The following MAGI2 variants were observed in gnomAD, a reference collection of about 807,000 sequenced individuals.
MAGI2 encodes membrane associated guanylate kinase, WW and PDZ domain containing 2, also known as membrane-associated guanylate kinase, WW and PDZ domain-containing protein 2.
In MAGI2, 35 loss-of-function variants were observed where a neutral mutation model predicts 133.3. The ratio of observed to expected loss-of-function variants is 0.26; its 90% CI spans 0.20 to 0.35. The LOEUF (loss-of-function observed/expected upper bound fraction) is 0.35, where lower values mean the gene tolerates loss of function less well. Among genes scored for constraint, MAGI2 ranks in the 10% least tolerant of loss-of-function variants. The pLI is 1.00. For synonymous variants in MAGI2, 729 were observed against 710.6 expected (o/e 1.03, Z -0.41); for missense variants, 1,636 against 1,863.4 (o/e 0.88, Z 2.25).
At chr7:79,377,541 TAAAACAAA>T (rs1260146895) in intron 1 of MAGI2, among the ~76,000 whole-genome samples, 1 of 151,488 alleles carries the variant, frequency 6.6e-6, no homozygotes, top group Non-Finnish European at 1.5e-5. Flanking sequence ...TTTCAGGGAG[TAAAACAAA>T]TGAAAGATAA....
chr7:78,502,683 G>T (rs190483492), intron 4 of MAGI2, among the ~76,000 whole-genome samples: 1 of 152,118 alleles, frequency 6.6e-6, no homozygotes, highest in Non-Finnish European at 1.5e-5. Context: ...ACCATCTGAG[G>T]TTTCAGGCAT....
At chr7:78,912,810 A>C (rs916928563) in intron 2 of MAGI2, among the ~76,000 whole-genome samples, 1 of 143,366 alleles carries the variant, frequency 7.0e-6, no homozygotes, top group African/African-American at 2.7e-5. Flanking sequence ...ATATATATAT[A>C]TATCATTCAT....
chr7:78,117,948 C>T (rs1168406274), intron 20 of MAGI2, among the ~76,000 whole-genome samples: 1 of 152,106 alleles, frequency 6.6e-6, no homozygotes, highest in Non-Finnish European at 1.5e-5. Flanking sequence ...TACTTACCTT[C>T]AAGACTTACT....
chr7:78,305,731 C>T (rs538448830), intron 9 of MAGI2, among the ~76,000 whole-genome samples: 3 of 152,242 alleles, frequency 2.0e-5, no homozygotes, highest in South Asian at 4.1e-4. Context: ...AGAGCCTGTT[C>T]CTTTTCTTTC....
chr7:79,250,342 C>A (rs1175386582), intron 1 of MAGI2, among the ~76,000 whole-genome samples: 1 of 113,192 alleles, frequency 8.8e-6, no homozygotes, highest in African/African-American at 3.0e-5. Flanking sequence ...AAGCTAATGA[C>A]TCTACCAAAA....
chr7:78,483,150 T>C (rs1231119404), intron 6 of MAGI2, among the ~76,000 whole-genome samples: 1 of 151,868 alleles, frequency 6.6e-6, no homozygotes, highest in Non-Finnish European at 1.5e-5. Flanking sequence ...AAAACCTTCC[T>C]GTAAATTCCT....
At position 78,272,139 on chromosome 7, in the gene MAGI2, C is replaced by T. The variant is rs140057934; in HGVS notation, c.1409-15558G>A. ...ATGTGTCCCAGAGATTCTGGTGCAT[C>T]GTGTCCTTTGTTCTCATTGGTTTCA... On this transcript the variant is annotated intron_variant, in intron 9 of 21. Coordinates refer to ENST00000354212, the MANE Select transcript of MAGI2 (RefSeq NM_012301.4). 9.7e-4 allele frequency among the ~76,000 whole-genome samples: 147 copies of T among 152,188 alleles called. 1 individual carries two copies. Among genetic ancestry groups the T allele is most frequent in the East Asian group, 3.7e-3 (19 of 5,190 alleles).
In MAGI2 at chr7:78,312,967, T is replaced by TAC. The variant is rs750846388; in HGVS notation, c.1408+30809_1408+30810dup. 1.8e-3 allele frequency among the ~76,000 whole-genome samples: 262 copies of TAC among 149,674 alleles called. 3 individuals carry two copies. Among genetic ancestry groups the TAC allele is most frequent in the Middle Eastern group, 7.0e-3 (2 of 286 alleles). Reference sequence around the variant, plus strand: ...ATATGTGTATATAGATATATGTATATACACACACACACACACATCGCATAG... The same window carrying TAC: ...ATATGTGTATATAGATATATGTATATACACACACACACACACACATCGCATAG... On this transcript the variant is annotated intron_variant, in intron 9 of 21. Coordinates refer to ENST00000354212, the MANE Select transcript of MAGI2 (RefSeq NM_012301.4).
At chr7:78,719,323 A>G (rs1820030540) in intron 2 of MAGI2, among the ~76,000 whole-genome samples, 2 of 152,226 alleles carry the variant, frequency 1.3e-5, no homozygotes, top group South Asian at 4.1e-4. Context: ...TGTATAATAA[A>G]CTAAAGCTTA....
intron 20 of MAGI2, among the ~76,000 whole-genome samples, chr7:78,089,147 C>G (rs1330745317): frequency 2.0e-5 from 3 of 152,214 alleles, no homozygotes; most frequent in African/African-American, 7.2e-5. Flanking sequence ...CGATTTCAGA[C>G]TTCTGACTCC....
At chr7:78,413,996 A>T (rs986480986) in intron 6 of MAGI2, among the ~76,000 whole-genome samples, 4 of 152,062 alleles carry the variant, frequency 2.6e-5, no homozygotes, top group Non-Finnish European at 4.4e-5. Flanking sequence ...TTTTAAGTTA[A>T]TGGGAACATA....
intron 12 of MAGI2, among the ~76,000 whole-genome samples, chr7:78,186,922 C>G (rs1347766487): frequency 2.0e-5 from 3 of 152,058 alleles, no homozygotes; most frequent in Non-Finnish European, 4.4e-5. Flanking sequence ...ATTTCCTAAA[C>G]CACACAACTG....
intron 2 of MAGI2, among the ~76,000 whole-genome samples, chr7:78,791,609 T>G (rs981021360): frequency 1.3e-5 from 2 of 151,144 alleles, no homozygotes; most frequent in Non-Finnish European, 2.9e-5. Context: ...TGGCATGATC[T>G]CGGCTCACTG....
intron 2 of MAGI2, among the ~76,000 whole-genome samples, chr7:78,870,262 A>G (rs1054365295): frequency 2.0e-5 from 3 of 151,520 alleles, no homozygotes; most frequent in African/African-American, 7.3e-5. Flanking sequence ...TGGGAGAATC[A>G]CCTGAACCAG....
chr7:78,501,892 T>C (rs1794660184), intron 4 of MAGI2, 105 bp from the exon 5 acceptor site: 3 of 779,268 alleles, frequency 3.8e-6, no homozygotes, highest in Admixed American at 4.7e-5. Context: ...ATAACTTCTA[T>C]GAAGGCTAAC....
At position 79,295,754 on chromosome 7, in the gene MAGI2, C is replaced by A. The variant is rs555111386; in HGVS notation, c.301+157266G>T. On this transcript the variant is annotated intron_variant, in intron 1 of 21. Transcript: ENST00000354212. ...ACACTCTTGTATCCGCAGTGACTAG[C>A]ATTGTGCTTGGTACTTGGTAGACAA... Among the ~76,000 whole-genome samples the A allele has an allele frequency of 2.0e-5, 3 of 152,070 alleles. No homozygotes were observed. The East Asian group carries it at 5.8e-4, about 29-fold the overall frequency.
chr7:78,970,319 C>T (rs1803681135), intron 2 of MAGI2, among the ~76,000 whole-genome samples: 1 of 151,854 alleles, frequency 6.6e-6, no homozygotes, highest in Non-Finnish European at 1.5e-5. Context: ...TTTTCCCAGC[C>T]CCTTTAAGAG....
chr7:79,453,250 G>A lies in MAGI2; in HGVS notation c.71C>T (p.Pro24Leu), dbSNP rs1849418394. The change falls in exon 1 of 22, where the codon CCG becomes CTG. Residue 24 changes from proline to leucine, a missense_variant. By Grantham distance (98) the Pro-to-Leu change is moderately conservative. Transcript: ENST00000354212. ...KVHESVIGRN[P>L]EGQLGFELKG... ...CAGTTCAAAGCCCAGCTGGCCCTCC[G>A]GGTTCCTGCCAATGACACTCTCATG... 2 of 1,613,872 alleles carry A rather than the reference G, an allele frequency of 1.2e-6. No individual in the cohort carries two copies. Among genetic ancestry groups the A allele is most frequent in the South Asian group, 1.1e-5 (1 of 91,086 alleles).
At chr7:79,157,424 C>T (rs528281559) in intron 1 of MAGI2, among the ~76,000 whole-genome samples, 1 of 152,074 alleles carries the variant, frequency 6.6e-6, no homozygotes, top group Non-Finnish European at 1.5e-5. Context: ...TAACAGACCA[C>T]TGGAGAGAGA....
Sources: gnomAD v4.1 joint callset for allele counts (sites outside exome capture counted in the v4.1 genomes callset) on GRCh38, gnomAD v4.1.1 for gene constraint, MANE v1.5 for transcripts, NCBI Gene and HGNC (gene_info 2026-07-23, HGNC 2026-07-21) for gene names.